Variants in PCDH15 observed in about 807,000 individuals in gnomAD.
PCDH15 encodes the protein protocadherin related 15, also known as protocadherin-15.
In PCDH15, 129 loss-of-function variants were observed where a neutral mutation model predicts 178.5. The ratio of observed to expected loss-of-function variants is 0.72; its 90% CI spans 0.63 to 0.84. PCDH15 has a LOEUF of 0.84. Ranked by LOEUF, PCDH15 falls within the 40% of genes least tolerant of loss-of-function variation. The pLI, the probability that PCDH15 is intolerant of heterozygous loss-of-function variation, is 0.00. For synonymous variants in PCDH15, 800 were observed against 732.0 expected, an observed-to-expected ratio of 1.09 and a Z score of -1.50; for missense variants, 2,230 against 2,099.9, an observed-to-expected ratio of 1.06 and a Z score of -1.21.
intron 21 of PCDH15, among the ~76,000 whole-genome samples, chr10:53,976,025 AT>A (rs1417148909): frequency 6.6e-6 from 1 of 152,024 alleles, no homozygotes; most frequent in Non-Finnish European, 1.5e-5. Context: ...TGAATAGGCA[AT>A]TTTTCTCTAT....
At chr10:54,476,044 G>A (rs1308429582) in intron 3 of PCDH15, among the ~76,000 whole-genome samples, 1 of 141,330 alleles carries the variant, frequency 7.1e-6, no homozygotes, top group Non-Finnish European at 1.5e-5. Flanking sequence ...ATATATATAT[G>A]CATAGTGATT....
At chr10:55,020,682 C>T (rs1017302576) in intron 2 of PCDH15, among the ~76,000 whole-genome samples, 32 of 152,110 alleles carry the variant, frequency 2.1e-4, no homozygotes, top group African/African-American at 5.3e-4. Flanking sequence ...TTCGCCTTTT[C>T]GTTCCTAAAT....
intron 2 of PCDH15, among the ~76,000 whole-genome samples, chr10:55,463,185 T>C (rs1030929239): frequency 3.3e-5 from 5 of 151,522 alleles, no homozygotes; most frequent in African/African-American, 1.2e-4. Flanking sequence ...AATTTCAGAC[T>C]GAATGGGATT....
chr10:54,332,937 G>GTATT (rs1035425220), intron 6 of PCDH15, among the ~76,000 whole-genome samples: 5 of 151,842 alleles, frequency 3.3e-5, no homozygotes, highest in South Asian at 2.1e-4. Flanking sequence ...TTATATGTAT[G>GTATT]TATTTATTTA....
rs377408064 is a variant in PCDH15 at position 55,164,965 on chromosome 10, A to G, written c.-80+1611T>C. Among the ~76,000 whole-genome samples, 173 of 152,262 alleles carry G rather than the reference A, an allele frequency of 1.1e-3. No individual in the cohort carries two copies. The Middle Eastern group carries it at 0.014, about 12-fold the overall frequency. ...GTATTGGAAATTTTGATACTGGTCT[A>G]TAATTATCTATTTATCTATCCGTCA... On this transcript the variant is annotated intron_variant, in intron 2 of 5. Coordinates refer to the PCDH15 transcript ENST00000458638.
intron 2 of PCDH15, among the ~76,000 whole-genome samples, chr10:55,561,828 T>A: frequency 6.6e-6 from 1 of 151,916 alleles, no homozygotes. Context: ...GCATGGTTAG[T>A]AAAATAAGAA....
intron 3 of PCDH15, among the ~76,000 whole-genome samples, chr10:54,450,664 GT>G (rs1000930002): frequency 1.3e-5 from 2 of 151,326 alleles, no homozygotes; most frequent in Non-Finnish European, 2.9e-5. Flanking sequence ...ACTTTACTCA[GT>G]TATATAGCGT....
chr10:55,337,389 C>T (rs7918000), intron 2 of PCDH15, among the ~76,000 whole-genome samples: 5 of 152,176 alleles, frequency 3.3e-5, no homozygotes, highest in Admixed American at 2.6e-4. Context: ...TGACCTCAAA[C>T]TTCATCAGTA....
At chr10:54,131,567 C>A (rs560100700) in intron 15 of PCDH15, among the ~76,000 whole-genome samples, 6 of 152,050 alleles carry the variant, frequency 3.9e-5, no homozygotes, top group Non-Finnish European at 7.3e-5. Flanking sequence ...TTACTAATAT[C>A]TCTACCTTCA....
chr10:55,170,699 T>C (rs1184829650), intron 1 of PCDH15, among the ~76,000 whole-genome samples: 3 of 151,960 alleles, frequency 2.0e-5, no homozygotes, highest in Non-Finnish European at 4.4e-5. Flanking sequence ...CTGACCAACA[T>C]GGTGAAACCC....
intron 28 of PCDH15, among the ~76,000 whole-genome samples, chr10:53,849,349 A>AT (rs889441880): frequency 6.6e-6 from 1 of 152,032 alleles, no homozygotes. Flanking sequence ...ATGTATATAT[A>AT]TTTTTTCCAA....
chr10:54,583,739 GA>G (rs1565663251), intron 2 of PCDH15, among the ~76,000 whole-genome samples: 1 of 152,036 alleles, frequency 6.6e-6, no homozygotes, highest in Non-Finnish European at 1.5e-5. Context: ...AAAAGGAATT[GA>G]TTTTTTTCTG....
chr10:54,498,162 TAAAGA>T (rs1267789178), intron 3 of PCDH15, among the ~76,000 whole-genome samples: 1 of 152,040 alleles, frequency 6.6e-6, no homozygotes, highest in Non-Finnish European at 1.5e-5. Context: ...ACAGCATACT[TAAAGA>T]AAAGAAATTC....
At chr10:54,629,942 C>G (rs2093657270) in intron 2 of PCDH15, among the ~76,000 whole-genome samples, 1 of 151,934 alleles carries the variant, frequency 6.6e-6, no homozygotes, top group Non-Finnish European at 1.5e-5. Flanking sequence ...TTCTATACAC[C>G]AATAATGTTC....
intron 18 of PCDH15, among the ~76,000 whole-genome samples, chr10:54,032,564 G>A (rs558353643): frequency 6.6e-6 from 1 of 151,848 alleles, no homozygotes; most frequent in East Asian, 1.9e-4. Flanking sequence ...TTGCCAATTA[G>A]TATTTATAAT....
chr10:54,812,850 C>T (rs1051689477), intron 3 of PCDH15, among the ~76,000 whole-genome samples: 1 of 152,160 alleles, frequency 6.6e-6, no homozygotes, highest in Admixed American at 6.5e-5. Context: ...CCACCCATCT[C>T]AGCCTCCCAA....
At chr10:55,033,998 C>T (rs1397992284) in intron 2 of PCDH15, among the ~76,000 whole-genome samples, 1 of 151,960 alleles carries the variant, frequency 6.6e-6, no homozygotes, top group Admixed American at 6.6e-5. Flanking sequence ...CATTCCTCCT[C>T]CTAGTGGATG....
intron 1 of PCDH15, among the ~76,000 whole-genome samples, chr10:54,714,375 T>C (rs1566014489): frequency 1.3e-5 from 2 of 152,274 alleles, no homozygotes; most frequent in African/African-American, 2.4e-5. Flanking sequence ...CGTATTCAGA[T>C]TGTATTTGTG....
At chr10:55,098,217 C>T (rs548491257) in intron 2 of PCDH15, among the ~76,000 whole-genome samples, 12 of 152,194 alleles carry the variant, frequency 7.9e-5, no homozygotes, top group African/African-American at 2.2e-4. Flanking sequence ...ATCTCATTTC[C>T]AGACGAGGAA....
Sources: gnomAD v4.1 joint callset for allele counts (sites outside exome capture counted in the v4.1 genomes callset) on GRCh38, gnomAD v4.1.1 for gene constraint, MANE v1.5 for transcripts, NCBI Gene and HGNC (gene_info 2026-07-23, HGNC 2026-07-21) for gene names.